The following CDH23 variants were observed in gnomAD, a reference collection of about 807,000 sequenced individuals.
CDH23 encodes cadherin related 23, also known as cadherin-23.
Under a neutral mutation model 317.1 loss-of-function variants are expected in CDH23, and 189 were observed. The observed-to-expected ratio is 0.60, with a 90% CI of 0.53 to 0.67. CDH23 has a LOEUF of 0.67. Ranked by LOEUF, CDH23 falls within the 30% of genes least tolerant of loss-of-function variation. CDH23 has a pLI of 0.00. For synonymous variants in CDH23, 1,839 were observed against 1,876.8 expected (o/e 0.98, Z 0.52); for missense variants, 4,401 against 4,592.4 (o/e 0.96, Z 1.20).
intron 9 of CDH23, among the ~76,000 whole-genome samples, chr10:71,595,347 A>T (rs530522272): frequency 2.0e-5 from 3 of 151,902 alleles, no homozygotes; most frequent in African/African-American, 7.2e-5. Context: ...CCTCCTTAAA[A>T]ACTTATCTTC....
At chr10:71,537,356 C>T (rs557136716) in intron 6 of CDH23, among the ~76,000 whole-genome samples, 8 of 152,262 alleles carry the variant, frequency 5.3e-5, no homozygotes, top group East Asian at 3.9e-4. Flanking sequence ...GGATCTGACA[C>T]GGTGGGGAGG....
At chr10:71,614,685 G>A (rs1183397215) in intron 9 of CDH23, among the ~76,000 whole-genome samples, 1 of 152,228 alleles carries the variant, frequency 6.6e-6, no homozygotes, top group East Asian at 1.9e-4. Context: ...CCTTTCTGGA[G>A]GAGGAGAAGA....
intron 3 of CDH23, among the ~76,000 whole-genome samples, chr10:71,502,407 C>T (rs1853388308): frequency 6.6e-6 from 1 of 152,196 alleles, no homozygotes; most frequent in Non-Finnish European, 1.5e-5. Context: ...TTAATAAGGT[C>T]TGTGTGGGCA....
rs1353476236 is a variant in CDH23, at chr10:71,557,635, T to C, written c.430-9107T>C. 1.3e-5 allele frequency among the ~76,000 whole-genome samples: 2 copies of C among 152,262 alleles called. 1 individual carries two copies. Among genetic ancestry groups the C allele is most frequent in the South Asian group, 4.1e-4 (2 of 4,834 alleles). ...TCATCTGAACAATGCGTTCATGCTA[T>C]GCTTTTGTTTGTTGATAGTTTGGCT... On this transcript the variant is annotated intron_variant, in intron 6 of 69. Coordinates refer to ENST00000224721, the MANE Select transcript of CDH23 (RefSeq NM_022124.6).
At chr10:71,758,571 A>G (rs1403531834) in intron 38 of CDH23, among the ~76,000 whole-genome samples, 1 of 152,216 alleles carries the variant, frequency 6.6e-6, no homozygotes, top group Non-Finnish European at 1.5e-5. Context: ...CACTGCCCCA[A>G]GCTGGGAAGA....
rs12242607 is a variant in CDH23 at position 71,738,658 on chromosome 10, G to A, written c.4359+11G>A. Reference sequence around the variant, plus strand: ...GGCAGCAATGGGCAGGTGGGCCACCGAGTGAAACAGCCAGGATCCACCATG... The same window carrying A: ...GGCAGCAATGGGCAGGTGGGCCACCAAGTGAAACAGCCAGGATCCACCATG... On this transcript the variant is annotated intron_variant, in intron 35 of 69. Coordinates refer to ENST00000224721, the MANE Select transcript of CDH23 (RefSeq NM_022124.6). The A allele has an allele frequency of 2.9e-3, 4,599 of 1,611,410 alleles. 112 individuals carry two copies. In the African/African-American group the frequency reaches 0.053, roughly 19 times the overall value.
intron 53 of CDH23, 72 bp from the exon 54 acceptor site, chr10:71,802,826 C>T: frequency 6.6e-7 from 1 of 1,524,152 alleles, no homozygotes; most frequent in Non-Finnish European, 9.0e-7. Context: ...CAGGCTTACT[C>T]CTGCATGACC....
chr10:71,425,371 AGAAGGAAG>A lies in CDH23; in HGVS notation c.-5-14421_-5-14414del, dbSNP rs71012285. Among the ~76,000 whole-genome samples, 248 of 82,490 alleles carry A rather than the reference AGAAGGAAG, an allele frequency of 3.0e-3. 1 individual carries two copies. The highest frequency in any genetic ancestry group is 5.0e-3 in the Non-Finnish European group (202 of 40,296). The allele number at this position is 82,490 out of a possible 152,430, so 54.1% of individuals were successfully genotyped here. A position where few individuals can be genotyped will look rare whatever the true frequency, so the allele number is the denominator to read the frequency against. ...AGTGGGGCAGAGAGAAAGAGAGAGG[AGAAGGAAG>A]GAAGGAAGGAAGGAAGGAAGGAAGG... On this transcript the variant is annotated intron_variant, in intron 1 of 69. Transcript: ENST00000224721.
chr10:71,810,663 AC>A, intron 62 of CDH23, 94 bp downstream of exon 62: 1 of 1,143,940 alleles, frequency 8.7e-7, no homozygotes, highest in Non-Finnish European at 1.3e-6. Flanking sequence ...GGAGACACAG[AC>A]CACACCATCA....
chr10:71,462,092 C>G (rs1289749643), intron 3 of CDH23, among the ~76,000 whole-genome samples: 1 of 152,230 alleles, frequency 6.6e-6, no homozygotes, highest in South Asian at 2.1e-4. Context: ...CTGCCTGAGA[C>G]ATCGCCTGTG....
intron 9 of CDH23, among the ~76,000 whole-genome samples, chr10:71,586,477 G>A (rs962815373): frequency 6.6e-6 from 1 of 152,144 alleles, no homozygotes; most frequent in East Asian, 1.9e-4. Context: ...TCCATGTGTA[G>A]CTCTCTTTTG....
At chr10:71,625,585 C>A (rs1196782091) in intron 11 of CDH23, among the ~76,000 whole-genome samples, 1 of 152,020 alleles carries the variant, frequency 6.6e-6, no homozygotes, top group Non-Finnish European at 1.5e-5. Context: ...GTGTTCCAGG[C>A]CTGTCAGGCA....
At chr10:71,556,728 A>G (rs1019585257) in intron 6 of CDH23, among the ~76,000 whole-genome samples, 3 of 152,236 alleles carry the variant, frequency 2.0e-5, no homozygotes, top group African/African-American at 4.8e-5. Context: ...AGCTCAGCTT[A>G]TAATAAAAGC....
At chr10:71,454,166 C>G (rs182421846) in intron 3 of CDH23, among the ~76,000 whole-genome samples, 1 of 152,296 alleles carries the variant, frequency 6.6e-6, no homozygotes, top group Non-Finnish European at 1.5e-5. Flanking sequence ...GAGGCCCAGA[C>G]TGCCTGGATG....
intron 3 of CDH23, among the ~76,000 whole-genome samples, chr10:71,447,830 T>C (rs1386049945): frequency 6.6e-6 from 1 of 152,172 alleles, no homozygotes; most frequent in Non-Finnish European, 1.5e-5. Flanking sequence ...ACACCTGTAT[T>C]CTTTGGGTGG....
At chr10:71,754,035 G>A (rs563253383) in intron 38 of CDH23, among the ~76,000 whole-genome samples, 22 of 152,306 alleles carry the variant, frequency 1.4e-4, no homozygotes, top group Admixed American at 3.3e-4. Context: ...GCAAACTGCC[G>A]TCCTCAAGGC....
intron 3 of CDH23, among the ~76,000 whole-genome samples, chr10:71,448,338 T>A (rs1850271614): frequency 6.6e-6 from 1 of 152,208 alleles, no homozygotes; most frequent in Non-Finnish European, 1.5e-5. Flanking sequence ...CCAGCATCGA[T>A]CGGCCTCCGG....
chr10:71,532,973 C>A (rs1855487261), intron 6 of CDH23, among the ~76,000 whole-genome samples: 1 of 152,142 alleles, frequency 6.6e-6, no homozygotes, highest in South Asian at 2.1e-4. Flanking sequence ...CTCAAGTGAT[C>A]CACTCGCCTT....
At chr10:71,434,810 C>T (rs1849546727) in intron 1 of CDH23, among the ~76,000 whole-genome samples, 1 of 152,152 alleles carries the variant, frequency 6.6e-6, no homozygotes, top group African/African-American at 2.4e-5. Context: ...CCTGATGGAG[C>T]ATGCATTCTC....
Sources: allele counts gnomAD v4.1 joint callset (sites outside exome capture counted in the v4.1 genomes callset), GRCh38; gene constraint gnomAD v4.1.1; transcripts MANE v1.5; gene names NCBI Gene and HGNC (gene_info 2026-07-23, HGNC 2026-07-21).